The following HOXC4 variants were observed in gnomAD, a reference collection of about 807,000 sequenced individuals.
HOXC4 encodes the protein homeobox protein Hox-C4.
HOXC4 carries 15 observed loss-of-function variants against 25.5 expected under a neutral mutation model. The observed-to-expected ratio is 0.59, with a 90% CI of 0.39 to 0.91. The LOEUF (loss-of-function observed/expected upper bound fraction) is 0.91, where lower values mean the gene tolerates loss of function less well. Among genes scored for constraint, HOXC4 ranks in the 40% least tolerant of loss-of-function variants. The pLI, the probability that HOXC4 is intolerant of heterozygous loss-of-function variation, is 0.00. For synonymous variants in HOXC4, 165 were observed against 148.0 expected (o/e 1.11, Z -0.83); for missense variants, 342 against 352.4 (o/e 0.97, Z 0.24).
At chr12:54,029,694 T>A (rs755466327) in intron 1 of HOXC4, 1 of 1,614,044 alleles carries the variant, frequency 6.2e-7, no homozygotes. Flanking sequence ...GGCCGCCAGA[T>A]CTACTCGCGG....
intron 1 of HOXC4, among the ~76,000 whole-genome samples, chr12:54,023,265 T>A (rs1258014594): frequency 6.6e-6 from 1 of 152,220 alleles, no homozygotes; most frequent in African/African-American, 2.4e-5. Flanking sequence ...GGGGTAGAGA[T>A]GTTTGGGACC....
At chr12:54,048,869 A>C (rs769774040), upstream of HOXC4, among the ~76,000 whole-genome samples, 5 of 152,216 alleles carry the variant, frequency 3.3e-5, no homozygotes, top group South Asian at 6.2e-4. Context: ...TTTTCAAGCC[A>C]CATTTAGGTT....
Position 54,054,038 on chromosome 12 carries a change from G to T in HOXC4, c.116G>T (p.Arg39Leu), listed in dbSNP as rs776852773. Residue 39 changes from arginine (R) to leucine (L), a missense_variant, in exon 1 of 2, where the codon CGG (arginine) becomes CTG (leucine). Coordinates refer to ENST00000430889, the MANE Select transcript of HOXC4 (RefSeq NM_153633.3). The part of the protein sequence containing the change: ...IPEHSPEYYG[R>L]TRESGFQHHH... ...GAACACAGTCCGGAATATTACGGCCGGACCAGGGAATCGGGATTCCAGCAT... is the reference window on the plus strand; with the variant it reads ...GAACACAGTCCGGAATATTACGGCCTGACCAGGGAATCGGGATTCCAGCAT... 1 of 1,613,242 alleles carries T rather than the reference G, an allele frequency of 6.2e-7. No homozygotes were observed. Among genetic ancestry groups the T allele is most frequent in the Non-Finnish European group, 8.5e-7 (1 of 1,179,390 alleles).
At chr12:54,029,704 G>A (rs529857999) in intron 1 of HOXC4, 1 of 1,614,214 alleles carries the variant, frequency 6.2e-7, no homozygotes, top group African/African-American at 1.3e-5. Flanking sequence ...TCTACTCGCG[G>A]TACCAGACCC....
At chr12:54,020,001 T>G (rs1940357532) in intron 1 of HOXC4, 1 of 152,182 alleles carries the variant, frequency 6.6e-6, no homozygotes, top group Admixed American at 6.5e-5. Context: ...TGGACCCCAG[T>G]GGACTCCAAC....
At chr12:54,043,552 G>A (rs1049583315) in intron 1 of HOXC4, among the ~76,000 whole-genome samples, 8 of 152,006 alleles carry the variant, frequency 5.3e-5, no homozygotes, top group East Asian at 3.9e-4. Context: ...CATTCTTCCC[G>A]TCAGCCCAGC....
intron 1 of HOXC4, 48 bp from the exon 2 acceptor site, chr12:54,054,802 G>A (rs747988106): frequency 7.0e-6 from 9 of 1,279,700 alleles, no homozygotes; most frequent in African/African-American, 1.5e-5. Flanking sequence ...GGGGGGCGGG[G>A]AGCCTGCTGC....
chr12:54,035,784 G>C (rs1189820240), intron 1 of HOXC4, among the ~76,000 whole-genome samples: 2 of 152,134 alleles, frequency 1.3e-5, no homozygotes, highest in Non-Finnish European at 2.9e-5. Context: ...GCTGGACATA[G>C]AGGGAGGGCT....
chr12:54,031,035 AAC>A (rs1481191503), intron 1 of HOXC4, among the ~76,000 whole-genome samples: 1 of 152,236 alleles, frequency 6.6e-6, no homozygotes, highest in African/African-American at 2.4e-5. Context: ...TGCGCGGAGC[AAC>A]ACACACACCC....
intron 1 of HOXC4, among the ~76,000 whole-genome samples, chr12:54,017,845 T>TAAGCAAAGTTAGCCCCCC (rs1940225930): frequency 6.6e-6 from 1 of 151,894 alleles, no homozygotes; most frequent in Non-Finnish European, 1.5e-5. Flanking sequence ...CATTGCCCCC[T>TAAGCAAAGTTAGCCCCCC]AAGCAAAGTT....
At chr12:54,026,965 G>GT (rs1491244051) in intron 1 of HOXC4, among the ~76,000 whole-genome samples, 557 of 45,172 alleles carry the variant, frequency 0.012, 4 homozygotes, top group Non-Finnish European at 0.019. Flanking sequence ...CAAAAATGGT[G>GT]GGGGGGGGGG....
intron 1 of HOXC4, among the ~76,000 whole-genome samples, chr12:54,025,333 AGCC>A (rs1565738579): frequency 6.6e-6 from 1 of 152,206 alleles, no homozygotes; most frequent in Non-Finnish European, 1.5e-5. Flanking sequence ...CCCTATAGAC[AGCC>A]ATTCTTTTGC....
chr12:54,034,152 G>T, intron 1 of HOXC4: 1 of 919,666 alleles, frequency 1.1e-6, no homozygotes. Flanking sequence ...CGGCCCGCGT[G>T]GCCTGTCTTG....
chr12:54,017,489 T>C (rs1028649724), intron 1 of HOXC4: 14 of 151,676 alleles, frequency 9.2e-5, no homozygotes, highest in African/African-American at 3.4e-4. Context: ...AGCAGCGGCT[T>C]CTCTTGGTTA....
At chr12:54,033,397 C>A in intron 1 of HOXC4, 2 of 1,612,114 alleles carry the variant, frequency 1.2e-6, no homozygotes, top group Non-Finnish European at 1.7e-6. Context: ...GACGAAGCGG[C>A]TCCTCTGAAC....
At chr12:54,031,133 C>CTG (rs1196277865) in intron 1 of HOXC4, among the ~76,000 whole-genome samples, 1 of 152,264 alleles carries the variant, frequency 6.6e-6, no homozygotes, top group Non-Finnish European at 1.5e-5. Flanking sequence ...GCCTTTCTTC[C>CTG]TGCCTGTGGC....
intron 1 of HOXC4, among the ~76,000 whole-genome samples, chr12:54,046,868 G>A (rs907543983): frequency 3.9e-5 from 6 of 152,096 alleles, no homozygotes; most frequent in Admixed American, 2.0e-4. Context: ...GCGTGTTCCC[G>A]GGCGGAGGTG....
In HOXC4 at chr12:54,054,115, C is replaced by G. The variant is rs1266015828; in HGVS notation, c.193C>G (p.Arg65Gly). 6.2e-7 allele frequency: 1 copy of G among 1,614,180 alleles called. No individual in the cohort carries two copies. The change falls in exon 1 of 2, where the codon CGC (arginine) becomes GGC (glycine). Residue 65 changes from arginine (R) to glycine (G), a missense_variant. Transcript: ENST00000430889. ...GCCTCCGCGCCCTAGCTACCCTGAG[C>G]GCCAGTATAGCTGCACCAGTCTCCA... ...PPPPRPSYPE[R>G]QYSCTSLQGP...
intron 1 of HOXC4, chr12:54,028,996 G>GTTTT: frequency 7.0e-7 from 1 of 1,434,266 alleles, no homozygotes; most frequent in East Asian, 2.3e-5. Flanking sequence ...AGAAGAACGG[G>GTTTT]CGGAGAGAGT....
Sources: gnomAD v4.1 joint callset for allele counts (sites outside exome capture counted in the v4.1 genomes callset) on GRCh38, gnomAD v4.1.1 for gene constraint, MANE v1.5 for transcripts, NCBI Gene and HGNC (gene_info 2026-07-23, HGNC 2026-07-21) for gene names.